Variants in PREP observed in about 807,000 individuals in gnomAD.
The protein encoded by PREP is prolyl endopeptidase.
In PREP, 29 loss-of-function variants were observed where a neutral mutation model predicts 87.6. The ratio of observed to expected loss-of-function variants is 0.33; its 90% CI spans 0.25 to 0.45. The LOEUF (loss-of-function observed/expected upper bound fraction) is 0.45, where lower values mean the gene tolerates loss of function less well. Among genes scored for constraint, PREP ranks in the 20% least tolerant of loss-of-function variants. PREP has a pLI of 1.00. For synonymous variants in PREP, 337 were observed against 328.6 expected (o/e 1.03, Z -0.28); for missense variants, 695 against 886.5 (o/e 0.78, Z 2.74).
chr6:105,335,170 A>G (rs1771447313), intron 7 of PREP, among the ~76,000 whole-genome samples: 1 of 152,236 alleles, frequency 6.6e-6, no homozygotes, highest in Admixed American at 6.5e-5. Context: ...CCCTTGGAAA[A>G]ACATCTGTTT....
chr6:105,283,373 T>G (rs1462232892), intron 12 of PREP, among the ~76,000 whole-genome samples: 1 of 152,168 alleles, frequency 6.6e-6, no homozygotes, highest in Non-Finnish European at 1.5e-5. Flanking sequence ...CAAAAGCATG[T>G]CCTCAAAGGA....
At position 105,285,542 on chromosome 6, in the gene PREP, A is replaced by G. The variant is rs1251520653; in HGVS notation, c.1493T>C (p.Ile498Thr). Residue 498 changes from isoleucine to threonine, a missense_variant, in exon 12 of 15, where the codon ATC becomes ACC. This residue lies in a region of PREP where 517 missense variants were observed against 620.3 expected (regional missense o/e 0.83). Transcript: ENST00000652536. The part of the protein sequence containing the change: ...RLIFVRHMGG[I>T]LAVANIRGGG... ...TCCTCTGATGTTGGCCACTGCCAGG[A>G]TACCACCCATGTGTCTCACAAAAAT... 5.6e-6 allele frequency: 9 copies of G among 1,614,002 alleles called. No homozygotes were observed. In the Admixed American group the frequency reaches 8.3e-5, roughly 15 times the overall value.
Position 105,331,969 on chromosome 6 carries a change from G to A in PREP, c.1015+1345C>T, listed in dbSNP as rs74943062. On this transcript the variant is annotated intron_variant, in intron 8 of 14. Transcript: ENST00000652536. ...CCTGCAAGTTAACGGGACTGTGCCT[G>A]GAAATCCAAAAGGCAGGAGAATGGC... Among the ~76,000 whole-genome samples the A allele has an allele frequency of 9.0e-3, 1,372 of 152,194 alleles. 23 individuals are homozygous for A. The highest frequency in any genetic ancestry group is 0.032 in the African/African-American group (1,311 of 41,530).
intron 1 of PREP, among the ~76,000 whole-genome samples, chr6:105,402,449 A>AAAC (rs1773461436): frequency 1.6e-5 from 2 of 126,066 alleles, no homozygotes; most frequent in African/African-American, 3.9e-5. Flanking sequence ...CACACACACA[A>AAAC]ACACACACAC....
chr6:105,326,021 A>T (rs776062092), intron 9 of PREP, among the ~76,000 whole-genome samples: 1 of 152,200 alleles, frequency 6.6e-6, no homozygotes, highest in Admixed American at 6.5e-5. Flanking sequence ...CTACCAAAAC[A>T]AGAATCAGGG....
chr6:105,293,037 C>A (rs1036647147), intron 10 of PREP, among the ~76,000 whole-genome samples: 2 of 152,198 alleles, frequency 1.3e-5, no homozygotes, highest in Admixed American at 6.5e-5. Flanking sequence ...AAACTTTCCC[C>A]ATATCAGATA....
At chr6:105,389,312 C>T (rs1358624286) in intron 2 of PREP, among the ~76,000 whole-genome samples, 1 of 152,080 alleles carries the variant, frequency 6.6e-6, no homozygotes, top group Non-Finnish European at 1.5e-5. Flanking sequence ...AATACTAGAT[C>T]AGGTAGCTTG....
intron 6 of PREP, among the ~76,000 whole-genome samples, chr6:105,367,480 C>T (rs1426742440): frequency 3.9e-5 from 6 of 152,024 alleles, no homozygotes; most frequent in South Asian, 2.1e-4. Context: ...GAGACCATCC[C>T]GGCTAAAACG....
At chr6:105,341,296 A>G (rs1007750990) in intron 7 of PREP, among the ~76,000 whole-genome samples, 2 of 152,258 alleles carry the variant, frequency 1.3e-5, no homozygotes, top group Non-Finnish European at 2.9e-5. Context: ...TACTGGGTAC[A>G]TAACGAAATG....
chr6:105,290,176 AGTTT>A (rs1770272266), intron 10 of PREP, among the ~76,000 whole-genome samples: 2 of 152,192 alleles, frequency 1.3e-5, no homozygotes, highest in South Asian at 4.1e-4. Flanking sequence ...GAGGGGATAC[AGTTT>A]TATTTAAAGT....
At chr6:105,336,204 G>A (rs772585548) in intron 7 of PREP, among the ~76,000 whole-genome samples, 1 of 151,270 alleles carries the variant, frequency 6.6e-6, no homozygotes, top group African/African-American at 2.4e-5. Context: ...AGGTTGCAGT[G>A]AGCCGAGATC....
intron 10 of PREP, chr6:105,302,659 C>A: frequency 2.1e-6 from 1 of 477,870 alleles, no homozygotes; most frequent in Non-Finnish European, 4.1e-6. Flanking sequence ...GGTGAGAACA[C>A]GGGCAATGGA....
intron 10 of PREP, among the ~76,000 whole-genome samples, chr6:105,292,497 C>CTA (rs1329391482): frequency 3.3e-5 from 5 of 152,154 alleles, no homozygotes; most frequent in Non-Finnish European, 5.9e-5. Context: ...CTTGAGTAAA[C>CTA]CTTGGTGTAA....
intron 10 of PREP, among the ~76,000 whole-genome samples, chr6:105,316,427 A>G (rs1248826359): frequency 3.9e-5 from 6 of 152,238 alleles, no homozygotes; most frequent in African/African-American, 1.2e-4. Context: ...CGATCGTCAC[A>G]TCAAAGCTCA....
chr6:105,284,459 C>T (rs1335674515), intron 12 of PREP, among the ~76,000 whole-genome samples: 1 of 152,122 alleles, frequency 6.6e-6, no homozygotes, highest in African/African-American at 2.4e-5. Flanking sequence ...AGCCTCAGGC[C>T]TCTGGTTTGG....
At chr6:105,308,860 G>A (rs987162060) in intron 10 of PREP, among the ~76,000 whole-genome samples, 5 of 152,126 alleles carry the variant, frequency 3.3e-5, no homozygotes, top group African/African-American at 4.8e-5. Flanking sequence ...AATGTCAGCT[G>A]GTGATGAGTG....
intron 10 of PREP, among the ~76,000 whole-genome samples, chr6:105,320,072 T>C (rs1298688398): frequency 6.6e-6 from 1 of 152,250 alleles, no homozygotes; most frequent in Non-Finnish European, 1.5e-5. Context: ...TTCAGGTAAA[T>C]TCACTTACCA....
At chr6:105,372,167 A>G (rs1772574902) in intron 5 of PREP, among the ~76,000 whole-genome samples, 1 of 152,164 alleles carries the variant, frequency 6.6e-6, no homozygotes, top group Non-Finnish European at 1.5e-5. Context: ...TAGCCAAGAG[A>G]TGAAAAACAC....
At chr6:105,344,069 C>A (rs1463470600) in intron 7 of PREP, among the ~76,000 whole-genome samples, 1 of 152,194 alleles carries the variant, frequency 6.6e-6, no homozygotes, top group African/African-American at 2.4e-5. Context: ...GACACATGCA[C>A]ACGTATGTTT....
Sources: allele counts gnomAD v4.1 joint callset (sites outside exome capture counted in the v4.1 genomes callset), GRCh38; gene constraint gnomAD v4.1.1; regional missense constraint gnomAD v4.1.1; transcripts MANE v1.5; gene names NCBI Gene and HGNC (gene_info 2026-07-23, HGNC 2026-07-21).